The following CYSLTR1 variants were observed in gnomAD, a reference collection of about 807,000 sequenced individuals.
The protein encoded by CYSLTR1 is cysteinyl leukotriene receptor 1, also known as G-protein coupled receptor HG55.
Under a neutral mutation model 2.1 loss-of-function variants are expected in CYSLTR1, and 1 was observed. That is an observed-to-expected ratio of 0.48 (90% CI 0.17 to 2.28). The LOEUF is 2.28. Ranked by LOEUF, CYSLTR1 falls within the 30% of genes most tolerant of loss-of-function variation. CYSLTR1 has a pLI of 0.26. For synonymous variants in CYSLTR1, 110 were observed against 89.6 expected (o/e 1.23, Z -1.28); for missense variants, 299 against 250.1 (o/e 1.20, Z -1.32).
At chrX:78,296,784 T>G (rs1292030599) in intron 1 of CYSLTR1, among the ~76,000 whole-genome samples, 2 of 112,244 alleles carry the variant, frequency 1.8e-5, no homozygotes, top group Admixed American at 1.9e-4. Flanking sequence ...TTCTAATGAT[T>G]TTTTTGTGGA....
At chrX:78,274,508 G>A (rs1024547463) in intron 2 of CYSLTR1, among the ~76,000 whole-genome samples, 3 of 111,570 alleles carry the variant, frequency 2.7e-5, no homozygotes, top group South Asian at 7.5e-4. Flanking sequence ...AATGGTGCTG[G>A]GAAAACTGGC....
chrX:78,313,373 A>G lies in CYSLTR1; in HGVS notation c.-115+13932T>C, dbSNP rs1215519963. ...ATACCTATTGGGTACTATGTTCCCT[A>G]CCTGGGTGTTGAGATCATTTGTACC... On this transcript the variant is annotated intron_variant, in intron 1 of 2. Coordinates refer to ENST00000373304, the MANE Select transcript of CYSLTR1 (RefSeq NM_006639.4). Among the ~76,000 whole-genome samples the G allele has an allele frequency of 4.5e-5, 5 of 111,230 alleles. No individual in the cohort carries two copies. In the Admixed American group the frequency reaches 4.8e-4, roughly 11 times the overall value.
intron 1 of CYSLTR1, among the ~76,000 whole-genome samples, chrX:78,323,309 T>C (rs183036524): frequency 8.9e-6 from 1 of 112,368 alleles, no homozygotes; most frequent in Admixed American, 9.4e-5. Flanking sequence ...GGCCTGCTTC[T>C]ATCATCTTGG....
chrX:78,322,326 G>C (rs919779268), intron 1 of CYSLTR1, among the ~76,000 whole-genome samples: 8 of 112,115 alleles, frequency 7.1e-5, no homozygotes, highest in Non-Finnish European at 1.3e-4. Flanking sequence ...TGAATGAATA[G>C]GAGAGTCAAC....
chrX:78,311,001 A>G (rs754258691), intron 1 of CYSLTR1, among the ~76,000 whole-genome samples: 1 of 110,656 alleles, frequency 9.0e-6, no homozygotes, highest in African/African-American at 3.3e-5. Context: ...ACCATTCTAG[A>G]TAATTTGAGT....
At chrX:78,278,182 C>T (rs187734334) in intron 2 of CYSLTR1, among the ~76,000 whole-genome samples, 1 of 111,797 alleles carries the variant, frequency 8.9e-6, no homozygotes, top group East Asian at 2.8e-4. Context: ...AATCTCAGAG[C>T]TCAAAGATCA....
intron 1 of CYSLTR1, among the ~76,000 whole-genome samples, chrX:78,284,852 T>A (rs1370379144): frequency 9.1e-6 from 1 of 110,140 alleles, no homozygotes; most frequent in African/African-American, 3.3e-5. Flanking sequence ...AACCTACAGC[T>A]GCAATATTGG....
intron 1 of CYSLTR1, chrX:78,319,635 T>A (rs1324633603): frequency 9.0e-6 from 1 of 111,692 alleles, no homozygotes; most frequent in African/African-American, 3.3e-5. Context: ...TACCCAGTAA[T>A]GGGATGGCTA....
At position 78,273,784 on chromosome X, in the gene CYSLTR1, T is replaced by TA. The variant is rs751344385; in HGVS notation, c.-27-12dup. ...ATGTCTGCTTTGTGCCTATAATAAA[T>TA]AAAAAAAATTGTCAATTTTAACTAG... is the stretch of plus-strand genomic sequence containing the variant. On this transcript the variant is annotated splice_polypyrimidine_tract_variant and intron_variant, in intron 2 of 2. Coordinates refer to ENST00000373304, the MANE Select transcript of CYSLTR1 (RefSeq NM_006639.4). 2.0e-5 allele frequency: 23 copies of TA among 1,134,725 alleles called. No individual in the cohort carries two copies. The highest frequency in any genetic ancestry group is 1.2e-4 in the Admixed American group (4 of 34,001). 93.5% of individuals were successfully genotyped at this position (1,134,725 alleles called of 1,213,427 possible).
chrX:78,280,983 T>C (rs1921815753), intron 2 of CYSLTR1, among the ~76,000 whole-genome samples: 1 of 112,343 alleles, frequency 8.9e-6, no homozygotes, highest in African/African-American at 3.2e-5. Context: ...TCCAGTCTTC[T>C]ATTCAGGGAC....
At chrX:78,287,718 C>T (rs1160501448) in intron 1 of CYSLTR1, among the ~76,000 whole-genome samples, 2 of 111,270 alleles carry the variant, frequency 1.8e-5, no homozygotes, top group African/African-American at 6.5e-5. Context: ...TCTAGATAAA[C>T]TAGTGCATAG....
At chrX:78,311,760 A>C (rs1409836839) in intron 1 of CYSLTR1, among the ~76,000 whole-genome samples, 1 of 112,000 alleles carries the variant, frequency 8.9e-6, no homozygotes, top group Admixed American at 9.5e-5. Context: ...AAATAGCTAG[A>C]AATTTATCTA....
intron 1 of CYSLTR1, among the ~76,000 whole-genome samples, chrX:78,322,336 CA>C (rs1272025631): frequency 4.5e-5 from 5 of 112,309 alleles, no homozygotes; most frequent in Non-Finnish European, 3.8e-5. Flanking sequence ...GGAGAGTCAA[CA>C]AATATGAATG....
chrX:78,272,567 A>G lies in CYSLTR1; in HGVS notation c.*166T>C, dbSNP rs1359383956. The G allele has an allele frequency of 1.2e-5, 5 of 428,869 alleles. No homozygotes were observed. The highest frequency in any genetic ancestry group is 5.5e-5 in the Admixed American group (1 of 18,171). 35.3% of individuals were successfully genotyped at this position (428,869 alleles called of 1,213,427 possible). A position where few individuals can be genotyped will look rare whatever the true frequency, so the allele number is the denominator to read the frequency against. On this transcript the variant is annotated 3_prime_UTR_variant, in exon 3 of 3. Transcript: ENST00000373304. ...CGAATTTTTAGCACTTAAAATATCT[A>G]TAAATATCTAATCATGTGGATGCAT...
intron 1 of CYSLTR1, among the ~76,000 whole-genome samples, chrX:78,289,057 G>A (rs1455631235): frequency 9.1e-6 from 1 of 109,906 alleles, no homozygotes; most frequent in Non-Finnish European, 1.9e-5. Context: ...TTGGTTCGCT[G>A]CACCCATCAA....
chrX:78,291,917 A>G (rs1275602009), intron 1 of CYSLTR1, among the ~76,000 whole-genome samples: 7 of 106,784 alleles, frequency 6.6e-5, no homozygotes, highest in African/African-American at 2.0e-4. Flanking sequence ...AAAAAAAAAC[A>G]GCTCCTGGAT....
In CYSLTR1 at chrX:78,272,706, T is replaced by C. The variant is rs769219792; in HGVS notation, c.*27A>G. 1.8e-6 allele frequency: 2 copies of C among 1,081,538 alleles called. No individual in the cohort carries two copies. The highest frequency in any genetic ancestry group is 3.2e-5 in the East Asian group (1 of 31,734). The allele number at this position is 1,081,538 out of a possible 1,213,427, so 89.1% of individuals were successfully genotyped here. ...ATACTTATTTGGGAAACTATTTTCA[T>C]TGGTTTGGACTGGAAATGGGTTTAA... On this transcript the variant is annotated 3_prime_UTR_variant, in exon 3 of 3. Coordinates refer to ENST00000373304, the MANE Select transcript of CYSLTR1 (RefSeq NM_006639.4).
At chrX:78,302,556 G>A (rs1194628258) in intron 1 of CYSLTR1, among the ~76,000 whole-genome samples, 1 of 111,443 alleles carries the variant, frequency 9.0e-6, no homozygotes, top group Non-Finnish European at 1.9e-5. Flanking sequence ...GTCTCAGAGT[G>A]TCACCAAAGG....
rs750336734 is a variant in CYSLTR1, at chrX:78,306,324, C to T, written c.-115+20981G>A. 8.2e-5 allele frequency among the ~76,000 whole-genome samples: 9 copies of T among 110,324 alleles called. No homozygotes were observed. The South Asian group carries it at 2.4e-3, about 29-fold the overall frequency. Reference sequence around the variant, plus strand: ...GATTACAGGTGCCCGCCACCATGCCCGGCTAATTTTTGTATTTTTAGTAGA... The same window carrying T: ...GATTACAGGTGCCCGCCACCATGCCTGGCTAATTTTTGTATTTTTAGTAGA... On this transcript the variant is annotated intron_variant, in intron 1 of 2. Coordinates refer to ENST00000373304, the MANE Select transcript of CYSLTR1 (RefSeq NM_006639.4).
Sources: gnomAD v4.1 joint callset for allele counts (sites outside exome capture counted in the v4.1 genomes callset) on GRCh38, gnomAD v4.1.1 for gene constraint, MANE v1.5 for transcripts, NCBI Gene and HGNC (gene_info 2026-07-23, HGNC 2026-07-21) for gene names.